STAC: variants seen among roughly 807,000 people sequenced by gnomAD.
STAC encodes the protein SH3 and cysteine rich domain, also known as SH3 and cysteine-rich domain-containing protein.
STAC carries 43 observed loss-of-function variants against 48.8 expected under a neutral mutation model. The ratio of observed to expected loss-of-function variants is 0.88; its 90% confidence interval spans 0.69 to 1.14. The LOEUF is 1.14. STAC is among the 50% of genes most tolerant of loss of function. STAC has a pLI of 0.00. For synonymous variants in STAC, 193 were observed against 179.5 expected, an observed-to-expected ratio of 1.07 and a Z score of -0.60; for missense variants, 497 against 504.0, an observed-to-expected ratio of 0.99 and a Z score of 0.13.
At chr3:36,496,795 C>A (rs1272367022) in intron 6 of STAC, among the ~76,000 whole-genome samples, 2 of 152,164 alleles carry the variant, frequency 1.3e-5, no homozygotes, top group Non-Finnish European at 2.9e-5. Context: ...TAAAATCTGG[C>A]CTGCCTATTT....
At chr3:36,477,295 T>A (rs1292042790) in intron 2 of STAC, among the ~76,000 whole-genome samples, 1 of 152,206 alleles carries the variant, frequency 6.6e-6, no homozygotes, top group African/African-American at 2.4e-5. Context: ...TTATGTTTAC[T>A]CATTCTCCAA....
chr3:36,507,899 T>C (rs1216839077), intron 8 of STAC, among the ~76,000 whole-genome samples: 1 of 152,112 alleles, frequency 6.6e-6, no homozygotes, highest in South Asian at 2.1e-4. Flanking sequence ...TTTTGAAGGG[T>C]TTTTCGTGTC....
At chr3:36,510,030 A>G (rs1311156111) in intron 8 of STAC, among the ~76,000 whole-genome samples, 1 of 152,184 alleles carries the variant, frequency 6.6e-6, no homozygotes, top group Non-Finnish European at 1.5e-5. Context: ...GGCAACCTAC[A>G]GAATGGGAGA....
intron 10 of STAC, among the ~76,000 whole-genome samples, chr3:36,542,639 C>T (rs1699355845): frequency 6.6e-6 from 1 of 152,150 alleles, no homozygotes; most frequent in African/African-American, 2.4e-5. Context: ...ATCAGGTTTC[C>T]ATAAGTATTT....
intron 1 of STAC, among the ~76,000 whole-genome samples, chr3:36,412,698 C>G (rs1700224070): frequency 6.6e-6 from 1 of 152,202 alleles, no homozygotes; most frequent in African/African-American, 2.4e-5. Flanking sequence ...CTTATACTCA[C>G]AAAATTCTAC....
chr3:36,529,073 G>A (rs148142776), intron 10 of STAC, 88 bp downstream of exon 10: 126 of 1,284,814 alleles, frequency 9.8e-5, no homozygotes, highest in African/African-American at 5.7e-4. Flanking sequence ...ATCTGAATGA[G>A]TGGGGTCACA....
chr3:36,416,580 T>C (rs1388045385), intron 1 of STAC, among the ~76,000 whole-genome samples: 1 of 152,222 alleles, frequency 6.6e-6, no homozygotes, highest in Non-Finnish European at 1.5e-5. Flanking sequence ...TTATATCAAG[T>C]CTTGTATTTT....
At chr3:36,485,222 TG>T (rs1257684719) in intron 4 of STAC, among the ~76,000 whole-genome samples, 164 bp downstream of exon 4, 1 of 152,156 alleles carries the variant, frequency 6.6e-6, no homozygotes, top group African/African-American at 2.4e-5. Context: ...AAACATAAAG[TG>T]GACCAAATTC....
chr3:36,447,894 C>A (rs1696554613), intron 2 of STAC, among the ~76,000 whole-genome samples: 1 of 152,096 alleles, frequency 6.6e-6, no homozygotes, highest in Non-Finnish European at 1.5e-5. Context: ...AATACAAATG[C>A]TCTCTAAAAC....
rs576600478 is a variant in STAC at position 36,539,066 on chromosome 3, C to T, written c.1111-7125C>T. 2.0e-5 allele frequency among the ~76,000 whole-genome samples: 3 copies of T among 152,290 alleles called. No homozygotes were observed. The South Asian group carries it at 6.2e-4, about 32-fold the overall frequency. On this transcript the variant is annotated intron_variant, in intron 10 of 10. Coordinates refer to ENST00000273183, the MANE Select transcript of STAC (RefSeq NM_003149.3). Reference sequence around the variant, plus strand: ...TCCCAAGAGACTGTTTCAAGATAGTCCTCACTTCACTTTGATTTTTCTGAA... The same window carrying T: ...TCCCAAGAGACTGTTTCAAGATAGTTCTCACTTCACTTTGATTTTTCTGAA...
rs1186019964 is a variant in STAC, at chr3:36,380,530, G to C, written c.-114G>C. ...GAGGGCACGTCGGCGCCTCGGCGAG[G>C]ATGGGAGTCCCCAGGACCCGGAGCT... On this transcript the variant is annotated 5_prime_UTR_variant, in exon 1 of 11. Transcript: ENST00000273183. The C allele has an allele frequency of 2.5e-6, 2 of 785,300 alleles. No homozygotes were observed. Among genetic ancestry groups the C allele is most frequent in the Non-Finnish European group, 2.1e-6 (1 of 480,426 alleles). The allele number at this position is 785,300 out of a possible 1,614,324, so 48.6% of individuals were successfully genotyped here. A position where few individuals can be genotyped will look rare whatever the true frequency, so the allele number is the denominator to read the frequency against.
chr3:36,402,754 C>T (rs1700021704), intron 1 of STAC, among the ~76,000 whole-genome samples: 1 of 152,202 alleles, frequency 6.6e-6, no homozygotes, highest in African/African-American at 2.4e-5. Context: ...AGCCTCCATA[C>T]ATTGGCATTT....
chr3:36,520,489 T>A (rs898560879), intron 8 of STAC, among the ~76,000 whole-genome samples: 1 of 152,190 alleles, frequency 6.6e-6, no homozygotes, highest in Non-Finnish European at 1.5e-5. Context: ...TTGTGTACAT[T>A]CTAATGTCCT....
At chr3:36,458,474 T>C (rs148088165) in intron 2 of STAC, among the ~76,000 whole-genome samples, 286 of 152,304 alleles carry the variant, frequency 1.9e-3, no homozygotes, top group Admixed American at 3.2e-3. Context: ...AGGGCATTTG[T>C]AAGCCCTGGT....
intron 8 of STAC, among the ~76,000 whole-genome samples, chr3:36,519,595 A>C (rs1183590080): frequency 1.3e-5 from 2 of 152,190 alleles, no homozygotes; most frequent in Admixed American, 6.5e-5. Flanking sequence ...CACTTATTTT[A>C]AGTGCATTAG....
intron 6 of STAC, among the ~76,000 whole-genome samples, chr3:36,504,019 C>T (rs1698339955): frequency 6.6e-6 from 1 of 152,164 alleles, no homozygotes; most frequent in Non-Finnish European, 1.5e-5. Flanking sequence ...CTAAATTGGA[C>T]TATATCTCAA....
chr3:36,481,941 T>C (rs1481182804), intron 2 of STAC, among the ~76,000 whole-genome samples: 9 of 152,210 alleles, frequency 5.9e-5, no homozygotes, highest in Non-Finnish European at 2.9e-5. Context: ...CTTCTCATCA[T>C]GGTAAAGGAG....
chr3:36,493,671 G>A (rs538308674), intron 6 of STAC, among the ~76,000 whole-genome samples: 1 of 152,152 alleles, frequency 6.6e-6, no homozygotes, highest in East Asian at 1.9e-4. Flanking sequence ...GGAGAGAAGT[G>A]TGGGCCTCAC....
At chr3:36,438,880 A>G (rs1696233067) in intron 1 of STAC, among the ~76,000 whole-genome samples, 1 of 152,250 alleles carries the variant, frequency 6.6e-6, no homozygotes. Context: ...GCAGAGGCCA[A>G]GCAGTGACAT....
Sources: allele counts gnomAD v4.1 joint callset (sites outside exome capture counted in the v4.1 genomes callset), GRCh38; gene constraint gnomAD v4.1.1; transcripts MANE v1.5; gene names NCBI Gene and HGNC (gene_info 2026-07-23, HGNC 2026-07-21).